The following CHN2 variants were observed in gnomAD, a reference collection of about 807,000 sequenced individuals.
The protein encoded by CHN2 is beta-chimaerin.
A neutral mutation model predicts 56.3 loss-of-function variants in CHN2; 35 were observed. That is an observed-to-expected ratio of 0.62 (90% CI 0.47 to 0.82). The LOEUF is 0.82. Ranked by LOEUF, CHN2 falls within the 40% of genes least tolerant of loss-of-function variation. CHN2 has a pLI of 0.00. For synonymous variants in CHN2, 210 were observed against 212.8 expected (o/e 0.99, Z 0.12); for missense variants, 491 against 580.5 (o/e 0.85, Z 1.58).
chr7:29,222,903 T>A (rs1053403763), intron 1 of CHN2, among the ~76,000 whole-genome samples: 3 of 152,086 alleles, frequency 2.0e-5, no homozygotes, highest in African/African-American at 7.2e-5. Context: ...GATACATGAA[T>A]AGAGCAAAGG....
At position 29,281,168 on chromosome 7, in the gene CHN2, C is replaced by T. The variant is rs1318224985; in HGVS notation, c.50-73457C>T. On this transcript the variant is annotated intron_variant, in intron 1 of 12. Transcript: ENST00000222792. ...TCCCTTGTGCTCTGTCCTCAATCCA[C>T]CAGTTCCTTTCTCAGAGATACCATT... Among the ~76,000 whole-genome samples the T allele has an allele frequency of 2.6e-5, 4 of 152,344 alleles. No homozygotes were observed. The East Asian group carries it at 7.7e-4, about 29-fold the overall frequency.
intron 6 of CHN2, chr7:29,480,000 C>G (rs906249071): frequency 2.7e-6 from 4 of 1,493,180 alleles, no homozygotes; most frequent in Non-Finnish European, 3.6e-6. Flanking sequence ...CAGACAGGAC[C>G]CAGCTGCCTC....
At chr7:29,322,248 C>T (rs1020898344) in intron 1 of CHN2, among the ~76,000 whole-genome samples, 4 of 152,198 alleles carry the variant, frequency 2.6e-5, no homozygotes, top group Non-Finnish European at 4.4e-5. Flanking sequence ...TTCCCTGGAA[C>T]GAAATGTGTG....
intron 7 of CHN2, among the ~76,000 whole-genome samples, chr7:29,491,034 T>G (rs913758733): frequency 1.1e-4 from 16 of 152,216 alleles, no homozygotes; most frequent in Admixed American, 8.5e-4. Flanking sequence ...CAATTTCGCT[T>G]TATATTTTTG....
chr7:29,502,578 A>T (rs1790085573), intron 9 of CHN2, among the ~76,000 whole-genome samples: 1 of 152,108 alleles, frequency 6.6e-6, no homozygotes, highest in African/African-American at 2.4e-5. Flanking sequence ...GCAAACTCTA[A>T]CCATCCTTTA....
At chr7:29,146,948 A>C (rs1246243693) in exon 2 of CHN2, 1 of 1,551,116 alleles carries the variant, frequency 6.4e-7, no homozygotes, top group Non-Finnish European at 8.7e-7. Context: ...TCTACATTCC[A>C]GCTGCACTAG....
At chr7:29,256,770 C>G (rs1031622784) in intron 1 of CHN2, among the ~76,000 whole-genome samples, 2 of 152,130 alleles carry the variant, frequency 1.3e-5, no homozygotes, top group Non-Finnish European at 2.9e-5. Flanking sequence ...GGAACTTAGG[C>G]AGGCCAGGGA....
At chr7:29,291,705 C>A (rs1289149914) in intron 1 of CHN2, among the ~76,000 whole-genome samples, 1 of 152,044 alleles carries the variant, frequency 6.6e-6, no homozygotes. Flanking sequence ...AATGAACATT[C>A]TTGTGGCTAA....
At chr7:29,224,346 A>T (rs915752036) in intron 1 of CHN2, among the ~76,000 whole-genome samples, 4 of 152,358 alleles carry the variant, frequency 2.6e-5, no homozygotes, top group Non-Finnish European at 4.4e-5. Context: ...CCATGGTCAG[A>T]TACTGTTAAA....
intron 7 of CHN2, among the ~76,000 whole-genome samples, chr7:29,481,009 G>A (rs754792111): frequency 3.9e-5 from 6 of 152,186 alleles, no homozygotes; most frequent in South Asian, 2.1e-4. Context: ...TGGAAAGACC[G>A]CTATGTTCGT....
At chr7:29,391,254 G>T (rs1484620016) in intron 3 of CHN2, among the ~76,000 whole-genome samples, 9 of 151,198 alleles carry the variant, frequency 6.0e-5, no homozygotes, top group Non-Finnish European at 1.3e-4. Context: ...CCCTACATAG[G>T]GTTGCCAGAT....
chr7:29,146,794 A>T, intron 1 of CHN2: 1 of 1,549,186 alleles, frequency 6.5e-7, no homozygotes, highest in Non-Finnish European at 8.7e-7. Context: ...CAGTTTTTAA[A>T]AGCTGCTATC....
chr7:29,347,037 C>T (rs1178848141), intron 1 of CHN2, among the ~76,000 whole-genome samples: 1 of 152,138 alleles, frequency 6.6e-6, no homozygotes, highest in Non-Finnish European at 1.5e-5. Context: ...CAGGAGCGTT[C>T]TGTGTCTCCA....
intron 1 of CHN2, among the ~76,000 whole-genome samples, chr7:29,238,213 T>C (rs1787355857): frequency 6.6e-6 from 1 of 152,004 alleles, no homozygotes; most frequent in African/African-American, 2.4e-5. Flanking sequence ...AAAGATGGGG[T>C]TTCACTGTGT....
chr7:29,166,148 A>G (rs1166477211), intron 2 of CHN2, among the ~76,000 whole-genome samples: 1 of 151,672 alleles, frequency 6.6e-6, no homozygotes, highest in Non-Finnish European at 1.5e-5. Flanking sequence ...CTCCTGCCTC[A>G]CCCTCCCAAG....
chr7:29,485,818 C>T (rs1201051726), intron 7 of CHN2, among the ~76,000 whole-genome samples: 1 of 152,060 alleles, frequency 6.6e-6, no homozygotes, highest in East Asian at 1.9e-4. Flanking sequence ...CAGGCCCTTC[C>T]CCCACTCAGC....
At chr7:29,296,611 A>T (rs17157727) in intron 1 of CHN2, among the ~76,000 whole-genome samples, 8,488 of 152,254 alleles carry the variant, frequency 0.056, 338 homozygotes, top group African/African-American at 0.11. Flanking sequence ...TGCCTAACAA[A>T]CAGACTCAGT....
intron 6 of CHN2, among the ~76,000 whole-genome samples, chr7:29,451,643 C>G (rs1203357920): frequency 3.9e-5 from 6 of 152,068 alleles, no homozygotes; most frequent in Admixed American, 3.9e-4. Flanking sequence ...TTTTAGGAAG[C>G]TGTATTTATT....
chr7:29,187,856 T>G (rs1163587726), intron 2 of CHN2, among the ~76,000 whole-genome samples: 1 of 152,248 alleles, frequency 6.6e-6, no homozygotes, highest in African/African-American at 2.4e-5. Context: ...ATAACATTAT[T>G]GTTGGGCATA....
Sources: allele counts gnomAD v4.1 joint callset (sites outside exome capture counted in the v4.1 genomes callset), GRCh38; gene constraint gnomAD v4.1.1; transcripts MANE v1.5; gene names NCBI Gene and HGNC (gene_info 2026-07-23, HGNC 2026-07-21).